Variants in SLC9A9 observed in about 807,000 individuals in gnomAD.
The protein encoded by SLC9A9 is solute carrier family 9 member A9.
In SLC9A9, 62 loss-of-function variants were observed where a neutral mutation model predicts 77.8. That is an observed-to-expected ratio of 0.80 (90% confidence interval 0.65 to 0.98). The LOEUF (loss-of-function observed/expected upper bound fraction) is 0.98. Ranked by LOEUF, SLC9A9 falls within the 50% of genes least tolerant of loss-of-function variation. The pLI is 0.00. For synonymous variants in SLC9A9, 320 were observed against 283.5 expected (o/e 1.13, Z -1.29); for missense variants, 775 against 774.9 (o/e 1.00, Z 0.00).
chr3:143,487,309 A>G (rs1036007905), intron 11 of SLC9A9, among the ~76,000 whole-genome samples: 10 of 151,958 alleles, frequency 6.6e-5, no homozygotes, highest in Admixed American at 2.0e-4. Flanking sequence ...GGAGAAATAG[A>G]CAATTCTACA....
intron 12 of SLC9A9, among the ~76,000 whole-genome samples, chr3:143,435,755 G>A (rs1269133885): frequency 6.6e-6 from 1 of 152,146 alleles, no homozygotes; most frequent in Non-Finnish European, 1.5e-5. Context: ...TTTGTGGGGT[G>A]ATAGGAAGCC....
intron 4 of SLC9A9, among the ~76,000 whole-genome samples, chr3:143,726,798 G>C (rs1346462198): frequency 6.6e-6 from 1 of 152,114 alleles, no homozygotes; most frequent in African/African-American, 2.4e-5. Flanking sequence ...TCATATTCTG[G>C]GAGGATATGG....
intron 4 of SLC9A9, among the ~76,000 whole-genome samples, chr3:143,695,342 C>A (rs981448035): frequency 1.3e-5 from 2 of 152,060 alleles, no homozygotes; most frequent in Non-Finnish European, 2.9e-5. Flanking sequence ...CCTAGTCCCC[C>A]ACACCACAAC....
At chr3:143,686,083 A>G (rs767074324) in intron 5 of SLC9A9, among the ~76,000 whole-genome samples, 2 of 152,180 alleles carry the variant, frequency 1.3e-5, no homozygotes, top group African/African-American at 4.8e-5. Context: ...TCCAGGGGCC[A>G]TGAGACACCT....
intron 6 of SLC9A9, among the ~76,000 whole-genome samples, chr3:143,595,527 C>T (rs1649947998): frequency 6.6e-6 from 1 of 152,104 alleles, no homozygotes; most frequent in Non-Finnish European, 1.5e-5. Context: ...TTAGTGAAAA[C>T]AAGATTGTTA....
intron 12 of SLC9A9, among the ~76,000 whole-genome samples, chr3:143,423,241 G>A (rs1028823588): frequency 2.1e-4 from 26 of 121,180 alleles, no homozygotes; most frequent in Admixed American, 9.2e-4. Flanking sequence ...GTGTACACAC[G>A]CGCGTGTACA....
intron 9 of SLC9A9, among the ~76,000 whole-genome samples, chr3:143,508,827 A>G (rs910199788): frequency 4.6e-5 from 7 of 152,196 alleles, no homozygotes; most frequent in African/African-American, 1.4e-4. Context: ...ATATTTTACA[A>G]TTTAGAAGGT....
chr3:143,561,880 G>A (rs2037091958), intron 8 of SLC9A9, among the ~76,000 whole-genome samples: 1 of 152,340 alleles, frequency 6.6e-6, no homozygotes, highest in African/African-American at 2.4e-5. Flanking sequence ...CTGGGAGATA[G>A]TACAAGCTTT....
At chr3:143,781,281 C>T (rs2007873574) in intron 4 of SLC9A9, among the ~76,000 whole-genome samples, 1 of 152,046 alleles carries the variant, frequency 6.6e-6, no homozygotes, top group Non-Finnish European at 1.5e-5. Context: ...ATAAAAATGC[C>T]TTGCTAACCT....
intron 14 of SLC9A9, among the ~76,000 whole-genome samples, chr3:143,319,252 C>T (rs80117947): frequency 0.031 from 4,745 of 152,242 alleles, 106 homozygotes; most frequent in African/African-American, 0.066. Flanking sequence ...CCTCAAGGTG[C>T]GCCCCAAACA....
chr3:143,564,751 C>G (rs1363257576), intron 8 of SLC9A9, among the ~76,000 whole-genome samples: 1 of 152,108 alleles, frequency 6.6e-6, no homozygotes, highest in Non-Finnish European at 1.5e-5. Flanking sequence ...TAGAAAACAG[C>G]ATGAATCTAT....
chr3:143,810,425 T>C (rs1456025195), intron 2 of SLC9A9, among the ~76,000 whole-genome samples: 1 of 152,238 alleles, frequency 6.6e-6, no homozygotes, highest in Admixed American at 6.5e-5. Context: ...AGTACATTCC[T>C]TCCAAAGAGG....
At chr3:143,599,982 C>T (rs1008128920) in intron 6 of SLC9A9, among the ~76,000 whole-genome samples, 14 of 152,062 alleles carry the variant, frequency 9.2e-5, no homozygotes, top group Non-Finnish European at 2.1e-4. Context: ...TACCTACCAG[C>T]CCGGTACTGC....
chr3:143,843,258 G>A (rs1193511347), intron 1 of SLC9A9, among the ~76,000 whole-genome samples: 3 of 152,068 alleles, frequency 2.0e-5, no homozygotes, highest in Admixed American at 2.0e-4. Flanking sequence ...GGATCAGGAG[G>A]GTGTAGCCAA....
intron 3 of SLC9A9, among the ~76,000 whole-genome samples, chr3:143,796,044 T>C (rs2008376419): frequency 1.3e-5 from 2 of 151,840 alleles, no homozygotes; most frequent in Non-Finnish European, 2.9e-5. Flanking sequence ...TCTCCTAGAG[T>C]GGGAGCTGAG....
chr3:143,347,790 A>G (rs2032333231), intron 14 of SLC9A9, among the ~76,000 whole-genome samples: 2 of 152,172 alleles, frequency 1.3e-5, no homozygotes, highest in Admixed American at 1.3e-4. Flanking sequence ...TAGATCTGTG[A>G]GTGAGCAGCT....
At chr3:143,796,928 G>C (rs750598884) in intron 2 of SLC9A9, 25 bp from the exon 3 acceptor site, 2 of 1,565,056 alleles carry the variant, frequency 1.3e-6, no homozygotes, top group Non-Finnish European at 8.8e-7. Flanking sequence ...AAAAAGGATA[G>C]TTAGAATGAT....
intron 6 of SLC9A9, among the ~76,000 whole-genome samples, chr3:143,649,765 AG>A: frequency 6.6e-6 from 1 of 152,210 alleles, no homozygotes; most frequent in Non-Finnish European, 1.5e-5. Context: ...GGCTTGGCCA[AG>A]GGCTATAGTC....
rs75886506 is a variant in SLC9A9 at position 143,694,419 on chromosome 3, T to C, written c.534-1112A>G. Among the ~76,000 whole-genome samples, 562 of 152,228 alleles carry C rather than the reference T, an allele frequency of 3.7e-3. 12 individuals are homozygous for C. The highest frequency in any genetic ancestry group is 0.031 in the East Asian group (159 of 5,174). On this transcript the variant is annotated intron_variant, in intron 4 of 15. Transcript: ENST00000316549. ...ATAACAGTAATAGCCCACAGAATTG[T>C]TTTAAGGATTAACTGAGGTAATACA...
Sources: allele counts gnomAD v4.1 joint callset (sites outside exome capture counted in the v4.1 genomes callset), GRCh38; gene constraint gnomAD v4.1.1; transcripts MANE v1.5; gene names NCBI Gene and HGNC (gene_info 2026-07-23, HGNC 2026-07-21).